The following NAALADL2 variants were observed in gnomAD, a reference collection of about 807,000 sequenced individuals.
The protein encoded by NAALADL2 is N-acetylated alpha-linked acidic dipeptidase like 2.
NAALADL2 carries 76 observed loss-of-function variants against 87.2 expected under a neutral mutation model. That is an observed-to-expected ratio of 0.87 (90% CI 0.72 to 1.05). The LOEUF (loss-of-function observed/expected upper bound fraction) is 1.05, where lower values mean the gene tolerates loss of function less well. NAALADL2 is among the 50% of genes least tolerant of loss of function. The pLI is 0.00. For missense variants in NAALADL2, 1,089 were observed against 945.8 expected, an observed-to-expected ratio of 1.15 and a Z score of -1.99; for synonymous variants, 354 against 331.0, an observed-to-expected ratio of 1.07 and a Z score of -0.75.
intron 2 of NAALADL2, among the ~76,000 whole-genome samples, chr3:175,232,072 G>A (rs1238707630): frequency 2.6e-5 from 4 of 151,878 alleles, no homozygotes; most frequent in African/African-American, 9.7e-5. Flanking sequence ...AGGTGGCACT[G>A]TTGACTGATC....
At chr3:174,813,922 G>C (rs1438440885) in intron 3 of NAALADL2, among the ~76,000 whole-genome samples, 1 of 151,922 alleles carries the variant, frequency 6.6e-6, no homozygotes, top group Non-Finnish European at 1.5e-5. Flanking sequence ...GATAGGTAGT[G>C]TCTAATATAT....
At chr3:175,369,105 C>G (rs1409668235) in intron 5 of NAALADL2, among the ~76,000 whole-genome samples, 5 of 152,114 alleles carry the variant, frequency 3.3e-5, no homozygotes, top group Non-Finnish European at 7.4e-5. Flanking sequence ...ACTAATGTCA[C>G]AATGAGAACA....
intron 1 of NAALADL2, among the ~76,000 whole-genome samples, chr3:174,987,311 T>C (rs1746010061): frequency 6.6e-6 from 1 of 151,988 alleles, no homozygotes; most frequent in Non-Finnish European, 1.5e-5. Flanking sequence ...GGCTCACGCC[T>C]GTAATCCCAG....
chr3:174,872,530 C>G (rs1727960130), intron 1 of NAALADL2, among the ~76,000 whole-genome samples: 1 of 152,120 alleles, frequency 6.6e-6, no homozygotes, highest in African/African-American at 2.4e-5. Flanking sequence ...TAAATTTAAA[C>G]ATGCTAAATT....
chr3:174,895,488 CCAAACCTGAACAGACT>C (rs1731401882), intron 1 of NAALADL2, among the ~76,000 whole-genome samples: 2 of 151,628 alleles, frequency 1.3e-5, no homozygotes, highest in African/African-American at 4.8e-5. Flanking sequence ...GGAAGAAATC[CCAAACCTGAACAGACT>C]CATAACAAGT....
At chr3:174,888,233 C>T (rs374828378) in intron 1 of NAALADL2, among the ~76,000 whole-genome samples, 15 of 152,246 alleles carry the variant, frequency 9.9e-5, no homozygotes, top group East Asian at 5.8e-4. Context: ...GCAATGATGT[C>T]GTGGAAGAAT....
intron 1 of NAALADL2, among the ~76,000 whole-genome samples, chr3:175,015,511 T>C (rs773681359): frequency 3.3e-5 from 5 of 152,108 alleles, no homozygotes; most frequent in Non-Finnish European, 7.4e-5. Context: ...ATAAAGATAC[T>C]TAATTTTAGG....
intron 3 of NAALADL2, among the ~76,000 whole-genome samples, chr3:175,243,236 C>G (rs145372391): frequency 2.1e-4 from 31 of 150,896 alleles, no homozygotes; most frequent in African/African-American, 6.1e-4. Flanking sequence ...AAGCTTTAAC[C>G]CCTATCTCTA....
intron 6 of NAALADL2, among the ~76,000 whole-genome samples, chr3:175,458,586 A>G (rs912680886): frequency 8.1e-5 from 12 of 148,278 alleles, no homozygotes; most frequent in African/African-American, 2.4e-4. Flanking sequence ...ATATAATAAA[A>G]ATAAATTATA....
intron 1 of NAALADL2, among the ~76,000 whole-genome samples, chr3:174,510,928 A>G (rs1719561661): frequency 6.6e-6 from 1 of 151,802 alleles, no homozygotes; most frequent in Non-Finnish European, 1.5e-5. Flanking sequence ...AACGTTTTCT[A>G]ATTTCTATTA....
intron 2 of NAALADL2, among the ~76,000 whole-genome samples, chr3:175,147,695 T>C (rs913823156): frequency 3.3e-5 from 5 of 152,182 alleles, no homozygotes; most frequent in African/African-American, 4.8e-5. Flanking sequence ...CTAAACTAAT[T>C]TATATTACCA....
At chr3:174,647,531 G>A (rs1723917333) in intron 2 of NAALADL2, among the ~76,000 whole-genome samples, 1 of 152,132 alleles carries the variant, frequency 6.6e-6, no homozygotes, top group Non-Finnish European at 1.5e-5. Context: ...TAAATTTTAT[G>A]TGATATGCCT....
In NAALADL2 at chr3:175,453,047, A is replaced by C. The variant is rs577826424; in HGVS notation, c.1234+5675A>C. On this transcript the variant is annotated intron_variant, in intron 6 of 13. Coordinates refer to ENST00000454872, the MANE Select transcript of NAALADL2 (RefSeq NM_207015.3). ...TCTAGAGTTTTTGTTTGTTTGCTAA[A>C]AGACTTAAAGACAACCTGAGATGTA... 2.6e-4 allele frequency among the ~76,000 whole-genome samples: 40 copies of C among 152,256 alleles called. No individual in the cohort carries two copies. The South Asian group carries it at 6.4e-3, about 24-fold the overall frequency.
intron 3 of NAALADL2, among the ~76,000 whole-genome samples, chr3:175,251,869 G>A (rs1164713035): frequency 1.3e-5 from 2 of 152,176 alleles, no homozygotes; most frequent in Admixed American, 6.5e-5. Context: ...TGAGACTTCT[G>A]TAATTATTGA....
At chr3:175,657,371 T>C (rs781285857) in intron 11 of NAALADL2, among the ~76,000 whole-genome samples, 10 of 152,172 alleles carry the variant, frequency 6.6e-5, no homozygotes, top group Non-Finnish European at 1.3e-4. Context: ...ATCAGGGACA[T>C]TAAATGTAAA....
chr3:175,183,580 T>A (rs1034541991), intron 2 of NAALADL2, among the ~76,000 whole-genome samples: 1 of 152,082 alleles, frequency 6.6e-6, no homozygotes, highest in Non-Finnish European at 1.5e-5. Context: ...TTTTTCTGCA[T>A]TTAATGAGAT....
intron 2 of NAALADL2, among the ~76,000 whole-genome samples, chr3:175,128,072 T>A (rs1238677484): frequency 6.6e-6 from 1 of 152,188 alleles, no homozygotes; most frequent in Non-Finnish European, 1.5e-5. Context: ...AGTGTACACA[T>A]CTATGAATGT....
chr3:174,937,998 TGGAAACATATCCCCTA>T (rs1737954402), intron 1 of NAALADL2, among the ~76,000 whole-genome samples: 1 of 152,080 alleles, frequency 6.6e-6, no homozygotes, highest in African/African-American at 2.4e-5. Context: ...TTGTGAAAAG[TGGAAACATATCCCCTA>T]GTTTTTTTGC....
chr3:175,328,417 T>TA lies in NAALADL2; in HGVS notation c.1090+4106dup, dbSNP rs76598617. 6.2e-3 allele frequency among the ~76,000 whole-genome samples: 868 copies of TA among 141,014 alleles called. 8 individuals are homozygous for TA. Among genetic ancestry groups the TA allele is most frequent in the East Asian group, 0.045 (220 of 4,906 alleles). 92.5% of individuals were successfully genotyped at this position (141,014 alleles called of 152,430 possible). A position where few individuals can be genotyped will look rare whatever the true frequency, so the allele number is the denominator to read the frequency against. On this transcript the variant is annotated intron_variant, in intron 5 of 13. Coordinates refer to ENST00000454872, the MANE Select transcript of NAALADL2 (RefSeq NM_207015.3). ...ATTAAATTGAATGTAAGTTCTACTG[T>TA]AAAAAAAAAAAAAAGTCTAACCCTG...
Sources: allele counts gnomAD v4.1 joint callset (sites outside exome capture counted in the v4.1 genomes callset), GRCh38; gene constraint gnomAD v4.1.1; transcripts MANE v1.5; gene names NCBI Gene and HGNC (gene_info 2026-07-23, HGNC 2026-07-21).